The following TPPP variants were observed in gnomAD, a reference collection of about 807,000 sequenced individuals.
TPPP encodes tubulin polymerization-promoting protein.
A neutral mutation model predicts 15.5 loss-of-function variants in TPPP; 6 were observed. That is an observed-to-expected ratio of 0.39 (90% confidence interval 0.21 to 0.77). The LOEUF (loss-of-function observed/expected upper bound fraction) is 0.77. Among genes scored for constraint, TPPP ranks in the 30% least tolerant of loss-of-function variants. The probability of loss-of-function intolerance (pLI) is 0.42; values close to 1 mark genes in which losing one functional copy is unlikely to be tolerated. For synonymous variants in TPPP, 146 were observed against 133.9 expected (o/e 1.09, Z -0.63); for missense variants, 269 against 307.2 (o/e 0.88, Z 0.93).
At chr5:666,875 C>G (rs1385708468) in intron 2 of TPPP, 1 of 152,206 alleles carries the variant, frequency 6.6e-6, no homozygotes, top group Non-Finnish European at 1.5e-5. Context: ...TCTACCACAA[C>G]TAACCCAAAG....
intron 2 of TPPP, 74 bp downstream of exon 2, chr5:677,676 G>A: frequency 1.4e-6 from 2 of 1,427,418 alleles, no homozygotes; most frequent in Non-Finnish European, 1.9e-6. Context: ...GCTCCCCACA[G>A]AACCCACCCA....
chr5:691,127 A>T (rs1740853002), intron 1 of TPPP, among the ~76,000 whole-genome samples: 1 of 49,214 alleles, frequency 2.0e-5, no homozygotes, highest in Admixed American at 1.9e-4. Context: ...GAAAACGCAC[A>T]CACCCTCCTG....
upstream of TPPP, among the ~76,000 whole-genome samples, chr5:697,895 C>A (rs1299985999): frequency 6.9e-6 from 1 of 144,674 alleles, no homozygotes; most frequent in Non-Finnish European, 1.5e-5. Context: ...AAGAAAACTC[C>A]AGATCAATAT....
the TPPP span, among the ~76,000 whole-genome samples, chr5:700,178 A>G: frequency 1.3e-5 from 2 of 152,012 alleles, no homozygotes; most frequent in Admixed American, 1.3e-4. Flanking sequence ...ACAGAAAAGA[A>G]AATGGATGAA....
upstream of TPPP, among the ~76,000 whole-genome samples, chr5:697,494 G>T (rs527319542): frequency 3.3e-5 from 5 of 152,188 alleles, no homozygotes; most frequent in South Asian, 1.0e-3. Flanking sequence ...TTGCAGAGCG[G>T]AGGGCCGCAG....
intron 1 of TPPP, among the ~76,000 whole-genome samples, chr5:686,966 G>A (rs1206226902): frequency 7.0e-6 from 1 of 141,868 alleles, no homozygotes; most frequent in East Asian, 2.0e-4. Flanking sequence ...GCCTGCAGGT[G>A]CCTTGATCTT....
chr5:682,460 C>T (rs1215165521), intron 1 of TPPP, among the ~76,000 whole-genome samples: 1 of 150,244 alleles, frequency 6.7e-6, no homozygotes, highest in African/African-American at 2.5e-5. Flanking sequence ...GAGCCTGTTA[C>T]TAGGGCCTGG....
In TPPP at chr5:677,939, C is replaced by T; in HGVS notation, c.122G>A (p.Gly41Glu). Residue 41 changes from glycine to glutamate, a missense_variant, in exon 2 of 4, where the codon GGG becomes GAG. Coordinates refer to ENST00000360578, the MANE Select transcript of TPPP (RefSeq NM_007030.3). ...ACTGAGCTCAGGGGATGCGGCTGCC[C>T]CCTCACCAGCACCCTCCGATTCCAG... is the stretch of plus-strand genomic sequence containing the variant. ...LSLESEGAGE[G>E]AAASPELSAL... The T allele has an allele frequency of 6.2e-7, 1 of 1,612,104 alleles. No individual in the cohort carries two copies. Among genetic ancestry groups the T allele is most frequent in the South Asian group, 1.1e-5 (1 of 91,008 alleles).
At chr5:697,661 C>T (rs1741038694), upstream of TPPP, among the ~76,000 whole-genome samples, 1 of 152,078 alleles carries the variant, frequency 6.6e-6, no homozygotes. Context: ...GTCCCTGTAA[C>T]TGTTTTCCCC....
intron 1 of TPPP, among the ~76,000 whole-genome samples, chr5:679,426 G>A (rs1332951348): frequency 4.6e-5 from 5 of 109,344 alleles, no homozygotes; most frequent in African/African-American, 7.8e-5. Context: ...TGGAAGGGCC[G>A]CCTGGGGGCA....
At position 677,758 on chromosome 5, in the gene TPPP, G is replaced by A; in HGVS notation, c.303C>T (p.Ser101=). 6.4e-7 allele frequency: 1 copy of A among 1,565,670 alleles called. No individual in the cohort carries two copies. Among genetic ancestry groups the A allele is most frequent in the Non-Finnish European group, 8.7e-7 (1 of 1,153,246 alleles). The change falls in exon 2 of 4, where the codon AGC becomes AGT. Residue 101 remains serine, a synonymous_variant. Transcript: ENST00000360578. The part of the protein sequence containing the change: ...VTVTDVDIVF[S]KIKGKSCRTI... ...GAGCCCAGCGCACTCACTTGATCTT[G>A]CTGAAGACGATGTCCACGTCAGTGA...
chr5:684,577 C>G (rs1740716996), intron 1 of TPPP, among the ~76,000 whole-genome samples: 1 of 111,562 alleles, frequency 9.0e-6, no homozygotes, highest in Non-Finnish European at 1.8e-5. Context: ...CCTGTCCCAC[C>G]AAGGGGCCTT....
In TPPP at chr5:664,885, C is replaced by T. The variant is rs1580070211; in HGVS notation, c.*217G>A. 1.5e-5 allele frequency: 9 copies of T among 585,210 alleles called. No individual in the cohort carries two copies. The Middle Eastern group carries it at 1.8e-3, about 120-fold the overall frequency. 36.3% of individuals were successfully genotyped at this position (585,210 alleles called of 1,614,324 possible). ...GACGAGGCAGGTGTATTAGGAGGGT[C>T]AGCGAACTGGGGCCCAAACCTGGTT... is the stretch of plus-strand genomic sequence containing the variant. On this transcript the variant is annotated 3_prime_UTR_variant, in exon 4 of 4. Coordinates refer to ENST00000360578, the MANE Select transcript of TPPP (RefSeq NM_007030.3).
chr5:674,967 T>C (rs113138740), intron 2 of TPPP, among the ~76,000 whole-genome samples: 1 of 142,256 alleles, frequency 7.0e-6, no homozygotes, highest in Non-Finnish European at 1.5e-5. Flanking sequence ...GCCCTGAGAG[T>C]CAGTCCACAA....
the TPPP span, among the ~76,000 whole-genome samples, chr5:700,235 T>C: frequency 1.3e-5 from 2 of 152,006 alleles, no homozygotes; most frequent in African/African-American, 2.4e-5. Flanking sequence ...ATGTAGCATA[T>C]ATACACAAGG....
chr5:668,816 G>A (rs1195542975), intron 2 of TPPP, among the ~76,000 whole-genome samples: 1 of 152,240 alleles, frequency 6.6e-6, no homozygotes, highest in African/African-American at 2.4e-5. Context: ...GTGCTGTGAT[G>A]TGTGCGCACG....
In TPPP at chr5:666,020, C is replaced by T. The variant is rs747626300; in HGVS notation, c.415G>A (p.Glu139Lys). ...TTGCCCTCGATGAGCCTGTGCACCT[C>T]GCGAACGGCCTCCTCGCTGCTCTTG... ...KDKSSEEAVR[E>K]VHRLIEGKAP... Residue 139 changes from glutamate (E) to lysine (K), a missense_variant, in exon 3 of 4, where the codon GAG becomes AAG. Transcript: ENST00000360578. 3.1e-6 allele frequency: 5 copies of T among 1,609,354 alleles called. No homozygotes were observed. Among genetic ancestry groups the T allele is most frequent in the South Asian group, 2.2e-5 (2 of 90,960 alleles).
chr5:682,946 G>A (rs369450158), intron 1 of TPPP, among the ~76,000 whole-genome samples: 75 of 152,172 alleles, frequency 4.9e-4, no homozygotes, highest in Non-Finnish European at 7.6e-4. Context: ...CCTCCCTGGG[G>A]CCTGAGACCT....
At chr5:676,978 C>CATG (rs1740467033) in intron 2 of TPPP, among the ~76,000 whole-genome samples, 5 of 117,910 alleles carry the variant, frequency 4.2e-5, no homozygotes, top group African/African-American at 1.0e-4. Context: ...GAAACGCACA[C>CATG]ACGACGCAGA....
Sources: allele counts gnomAD v4.1 joint callset (sites outside exome capture counted in the v4.1 genomes callset), GRCh38; gene constraint gnomAD v4.1.1; transcripts MANE v1.5; gene names NCBI Gene and HGNC (gene_info 2026-07-23, HGNC 2026-07-21).